Variants in PLEKHM3 observed in about 807,000 individuals in gnomAD.
PLEKHM3 encodes the protein pleckstrin homology domain-containing family M member 3.
PLEKHM3 carries 45 observed loss-of-function variants against 81.8 expected under a neutral mutation model. The ratio of observed to expected loss-of-function variants is 0.55; its 90% CI spans 0.43 to 0.71. The LOEUF (loss-of-function observed/expected upper bound fraction) is 0.71, where lower values mean the gene tolerates loss of function less well. PLEKHM3 is among the 30% of genes least tolerant of loss of function. The pLI is 0.00. For missense variants in PLEKHM3, 788 were observed against 924.3 expected, an observed-to-expected ratio of 0.85 and a Z score of 1.91; for synonymous variants, 352 against 356.4, an observed-to-expected ratio of 0.99 and a Z score of 0.14.
At chr2:208,022,193 TGAG>T (rs1364111706) in intron 1 of PLEKHM3, among the ~76,000 whole-genome samples, 2 of 152,204 alleles carry the variant, frequency 1.3e-5, no homozygotes, top group Non-Finnish European at 2.9e-5. Context: ...CACTAACTGT[TGAG>T]GAGGATTTTT....
rs75981173 is a variant in PLEKHM3 at position 207,994,343 on chromosome 2, C to A, written c.610+6687G>T. 5.9e-5 allele frequency among the ~76,000 whole-genome samples: 9 copies of A among 152,212 alleles called. No homozygotes were observed. In the East Asian group the frequency reaches 1.5e-3, roughly 26 times the overall value. ...TTAAGACCTTGTCTTCTTTATCCTA[C>A]GGCAAAGTCCTTGGTGCTTATGATT... is the stretch of plus-strand genomic sequence containing the variant. On this transcript the variant is annotated intron_variant, in intron 2 of 7. Coordinates refer to ENST00000427836, the MANE Select transcript of PLEKHM3 (RefSeq NM_001080475.3).
chr2:207,938,407 C>T (rs1344203200), intron 4 of PLEKHM3, among the ~76,000 whole-genome samples: 1 of 152,160 alleles, frequency 6.6e-6, no homozygotes, highest in African/African-American at 2.4e-5. Context: ...CTTAAGATGA[C>T]AGATTTCATT....
chr2:207,863,914 A>AT (rs369436658), intron 6 of PLEKHM3, among the ~76,000 whole-genome samples: 45,393 of 150,096 alleles, frequency 0.3, 7,298 homozygotes, highest in Non-Finnish European at 0.38. Flanking sequence ...AAGCAAAAAA[A>AT]ATATATATAT....
intron 2 of PLEKHM3, among the ~76,000 whole-genome samples, chr2:207,988,883 C>T (rs1489308243): frequency 6.6e-6 from 1 of 152,204 alleles, no homozygotes; most frequent in Non-Finnish European, 1.5e-5. Flanking sequence ...AAGCCAAGCA[C>T]ATTCTAGCTC....
At chr2:208,011,718 G>A (rs1574490596) in intron 1 of PLEKHM3, among the ~76,000 whole-genome samples, 3 of 142,968 alleles carry the variant, frequency 2.1e-5, no homozygotes, top group African/African-American at 5.1e-5. Flanking sequence ...AAAGAACTTA[G>A]TAACTAAATA....
chr2:207,977,346 G>C lies in PLEKHM3; in HGVS notation c.851C>G (p.Thr284Ser), dbSNP rs1691353125. The C allele has an allele frequency of 6.2e-7, 1 of 1,614,050 alleles. No homozygotes were observed. The highest frequency in any genetic ancestry group is 1.3e-5 in the African/African-American group (1 of 74,918). ...TGACTCTGCCTTTAGCTGTAGCTGAGTGTTGTCATACAAAACAGTATCCAC... is the reference window on the plus strand; with the variant it reads ...TGACTCTGCCTTTAGCTGTAGCTGACTGTTGTCATACAAAACAGTATCCAC... ...RMVDTVLYDN[T>S]QLQLKAESPW... Residue 284 changes from threonine (T) to serine (S), a missense_variant, in exon 3 of 8, where the codon ACT (threonine) becomes AGT (serine). Transcript: ENST00000427836.
In PLEKHM3 at chr2:207,910,904, T is replaced by G. The variant is rs139659640; in HGVS notation, c.1887-2327A>C. 2.0e-5 allele frequency among the ~76,000 whole-genome samples: 3 copies of G among 151,992 alleles called. No individual in the cohort carries two copies. In the East Asian group the frequency reaches 5.8e-4, roughly 29 times the overall value. ...GACTTTTTGGAAGAATTGAGAACATTGGGAATAAGTGAAAAAGGAGAAGGG... is the reference window on the plus strand; with the variant it reads ...GACTTTTTGGAAGAATTGAGAACATGGGGAATAAGTGAAAAAGGAGAAGGG... On this transcript the variant is annotated intron_variant, in intron 5 of 7. Coordinates refer to ENST00000427836, the MANE Select transcript of PLEKHM3 (RefSeq NM_001080475.3).
chr2:207,947,153 T>G (rs1166346484), intron 3 of PLEKHM3, among the ~76,000 whole-genome samples: 1 of 152,196 alleles, frequency 6.6e-6, no homozygotes, highest in Non-Finnish European at 1.5e-5. Flanking sequence ...CCCACTACTG[T>G]CCAATGGGAA....
intron 3 of PLEKHM3, among the ~76,000 whole-genome samples, chr2:207,958,246 T>C (rs1690589240): frequency 6.6e-6 from 1 of 152,044 alleles, no homozygotes; most frequent in South Asian, 2.1e-4. Flanking sequence ...AGAGGCACCA[T>C]CATCTACTAG....
intron 5 of PLEKHM3, 65 bp from the exon 6 acceptor site, chr2:207,908,642 G>T: frequency 7.0e-7 from 1 of 1,420,322 alleles, no homozygotes; most frequent in Non-Finnish European, 9.8e-7. Flanking sequence ...TTTCTGATAA[G>T]TTTCAGTCTC....
intron 7 of PLEKHM3, among the ~76,000 whole-genome samples, chr2:207,852,470 G>T (rs10180826): frequency 0.65 from 98,897 of 151,888 alleles, 32,851 homozygotes; most frequent in African/African-American, 0.75. Flanking sequence ...TAATACTAGG[G>T]GTATATTTTC....
intron 3 of PLEKHM3, among the ~76,000 whole-genome samples, chr2:207,950,955 T>C (rs1690308559): frequency 6.6e-6 from 1 of 152,156 alleles, no homozygotes; most frequent in Admixed American, 6.5e-5. Context: ...GAACACAGAA[T>C]GGTTGGAAAA....
At position 207,824,306 on chromosome 2, in the gene PLEKHM3, C is replaced by T. The variant is rs2092236205; in HGVS notation, c.*4013G>A. On this transcript the variant is annotated 3_prime_UTR_variant, in exon 8 of 8. Coordinates refer to ENST00000427836, the MANE Select transcript of PLEKHM3 (RefSeq NM_001080475.3). ...TAAAATGGGCAAAAATTATACACATCTCTATTTACTAGGAGAAGTAAAAAA... is the reference window on the plus strand; with the variant it reads ...TAAAATGGGCAAAAATTATACACATTTCTATTTACTAGGAGAAGTAAAAAA... 1 of 152,176 alleles carries T rather than the reference C, an allele frequency of 6.6e-6. No homozygotes were observed. Among genetic ancestry groups the T allele is most frequent in the Non-Finnish European group, 1.5e-5 (1 of 68,024 alleles). 9.4% of individuals were successfully genotyped at this position (152,176 alleles called of 1,614,324 possible).
chr2:208,007,945 C>T (rs953800893), intron 1 of PLEKHM3, among the ~76,000 whole-genome samples: 1 of 151,420 alleles, frequency 6.6e-6, no homozygotes, highest in East Asian at 1.9e-4. Flanking sequence ...CCCAGCTACT[C>T]GGGAGGCTGA....
intron 6 of PLEKHM3, chr2:207,900,537 G>A (rs915197610): frequency 4.6e-5 from 7 of 152,186 alleles, no homozygotes; most frequent in African/African-American, 1.7e-4. Context: ...TACTGTTGCA[G>A]CTATTTTTGC....
Position 207,821,775 on chromosome 2 carries a change from C to T in PLEKHM3, c.*6544G>A, listed in dbSNP as rs889529750. The T allele has an allele frequency of 1.3e-5, 2 of 152,054 alleles. No homozygotes were observed. Among genetic ancestry groups the T allele is most frequent in the Non-Finnish European group, 2.9e-5 (2 of 68,020 alleles). 9.4% of individuals were successfully genotyped at this position (152,054 alleles called of 1,614,324 possible). A position where few individuals can be genotyped will look rare whatever the true frequency, so the allele number is the denominator to read the frequency against. ...ATATTTTTCAAAGAGATGAGGGTCTCGCTATCTTGCCCAGACTTGTCTTGA... is the reference window on the plus strand; with the variant it reads ...ATATTTTTCAAAGAGATGAGGGTCTTGCTATCTTGCCCAGACTTGTCTTGA... On this transcript the variant is annotated 3_prime_UTR_variant, in exon 8 of 8. Coordinates refer to ENST00000427836, the MANE Select transcript of PLEKHM3 (RefSeq NM_001080475.3).
chr2:207,994,575 C>A (rs916389325), intron 2 of PLEKHM3, among the ~76,000 whole-genome samples: 1 of 151,900 alleles, frequency 6.6e-6, no homozygotes, highest in African/African-American at 2.4e-5. Context: ...ACTCTCAGGG[C>A]TAGTTCCCAG....
intron 5 of PLEKHM3, among the ~76,000 whole-genome samples, chr2:207,912,164 TC>T (rs777716445): frequency 8.5e-5 from 13 of 152,294 alleles, no homozygotes; most frequent in Admixed American, 3.3e-4. Flanking sequence ...CTAGGCAGGG[TC>T]CTTCTTGCTT....
In PLEKHM3 at chr2:208,003,244, C is replaced by A. The variant is rs914692240; in HGVS notation, c.-318-1287G>T. Among the ~76,000 whole-genome samples the A allele has an allele frequency of 1.3e-5, 2 of 152,182 alleles. 1 individual carries two copies. Among genetic ancestry groups the A allele is most frequent in the Non-Finnish European group, 2.9e-5 (2 of 68,040 alleles). On this transcript the variant is annotated intron_variant, in intron 1 of 7. Transcript: ENST00000427836. ...CTTTCACCTTCCACCATGATTCCAG[C>A]CATGTGGAATTGTAAGTCCAATAAA...
Sources: allele counts gnomAD v4.1 joint callset (sites outside exome capture counted in the v4.1 genomes callset), GRCh38; gene constraint gnomAD v4.1.1; transcripts MANE v1.5; gene names NCBI Gene and HGNC (gene_info 2026-07-23, HGNC 2026-07-21).